TNS3: variants seen among roughly 807,000 people sequenced by gnomAD.
The protein encoded by TNS3 is tensin-3.
A neutral mutation model predicts 140.9 loss-of-function variants in TNS3; 45 were observed. That is an observed-to-expected ratio of 0.32 (90% CI 0.25 to 0.41). TNS3 has a LOEUF of 0.41. Ranked by LOEUF, TNS3 falls within the 10% of genes least tolerant of loss-of-function variation. TNS3 has a pLI of 1.00. For missense variants in TNS3, 1,716 were observed against 1,906.7 expected (o/e 0.90, Z 1.86); for synonymous variants, 815 against 788.4 (o/e 1.03, Z -0.56).
In TNS3 at chr7:47,277,984, A is replaced by C. The variant is rs751361937; in HGVS notation, c.*92T>G. 5 of 1,410,032 alleles carry C rather than the reference A, an allele frequency of 3.5e-6. No individual in the cohort carries two copies. The highest frequency in any genetic ancestry group is 5.0e-6 in the Non-Finnish European group (5 of 1,000,744). 87.3% of individuals were successfully genotyped at this position (1,410,032 alleles called of 1,614,324 possible). A position where few individuals can be genotyped will look rare whatever the true frequency, so the allele number is the denominator to read the frequency against. ...ATGGGCCTGGAATGTCAGGTTTACT[A>C]GTTTGGTAAAAAGTGGGGGCCCCAC... is the stretch of plus-strand genomic sequence containing the variant. On this transcript the variant is annotated 3_prime_UTR_variant, in exon 31 of 31. Coordinates refer to ENST00000311160, the MANE Select transcript of TNS3 (RefSeq NM_022748.12).
rs560831376 is a variant in TNS3, at chr7:47,458,140, AG to A, written c.-75-16086del. 1.3e-3 allele frequency among the ~76,000 whole-genome samples: 192 copies of A among 152,378 alleles called. 5 individuals carry two copies. The South Asian group carries it at 0.039, about 31-fold the overall frequency. ...TGGGTGATCTTACTCAATTTCTTACAGGTGAGGAAATAATGTCCTTGGTATC... is the reference window on the plus strand; with the variant it reads ...TGGGTGATCTTACTCAATTTCTTACAGTGAGGAAATAATGTCCTTGGTATC... On this transcript the variant is annotated intron_variant, in intron 4 of 30. Transcript: ENST00000311160.
At chr7:47,556,376 C>A (rs1473380690) in intron 1 of TNS3, among the ~76,000 whole-genome samples, 3 of 152,170 alleles carry the variant, frequency 2.0e-5, no homozygotes, top group Non-Finnish European at 4.4e-5. Context: ...AGGGCCAAGA[C>A]CCCCTGAGCA....
intron 9 of TNS3, among the ~76,000 whole-genome samples, chr7:47,427,335 A>G (rs1794711142): frequency 6.6e-6 from 1 of 152,136 alleles, no homozygotes; most frequent in African/African-American, 2.4e-5. Context: ...CCTCCCTGGC[A>G]GGCACCAACT....
intron 9 of TNS3, among the ~76,000 whole-genome samples, chr7:47,425,599 C>T (rs1006182467): frequency 5.3e-5 from 8 of 152,142 alleles, no homozygotes; most frequent in Non-Finnish European, 1.2e-4. Flanking sequence ...ACTTTAGCAC[C>T]GAGTCCATCA....
At chr7:47,435,169 C>A in intron 8 of TNS3, 113 bp downstream of exon 8, 1 of 1,391,410 alleles carries the variant, frequency 7.2e-7, no homozygotes, top group Non-Finnish European at 9.7e-7. Context: ...CCATAAGGAG[C>A]ACATCGCACC....
chr7:47,384,624 A>G (rs1791968256), intron 16 of TNS3, among the ~76,000 whole-genome samples: 1 of 152,214 alleles, frequency 6.6e-6, no homozygotes, highest in African/African-American at 2.4e-5. Flanking sequence ...GAAAGCCTTG[A>G]GCTCTTCAGG....
intron 20 of TNS3, among the ~76,000 whole-genome samples, chr7:47,312,460 T>C (rs1474338326): frequency 9.2e-5 from 14 of 152,060 alleles, no homozygotes; most frequent in African/African-American, 3.4e-4. Flanking sequence ...TCCCAGCACT[T>C]TGGGAGGCGA....
intron 4 of TNS3, among the ~76,000 whole-genome samples, chr7:47,469,768 G>C (rs915825431): frequency 2.0e-5 from 3 of 152,158 alleles, no homozygotes; most frequent in African/African-American, 7.2e-5. Flanking sequence ...GAGGTCAGGA[G>C]TTCGAGACCA....
intron 16 of TNS3, among the ~76,000 whole-genome samples, chr7:47,393,535 C>G (rs1049967553): frequency 1.3e-5 from 2 of 152,116 alleles, no homozygotes; most frequent in African/African-American, 4.8e-5. Context: ...GGATACCAGT[C>G]CTGAGCTCGC....
At chr7:47,568,160 G>T (rs1800471551) in intron 1 of TNS3, among the ~76,000 whole-genome samples, 1 of 152,154 alleles carries the variant, frequency 6.6e-6, no homozygotes, top group Non-Finnish European at 1.5e-5. Context: ...AAAGGCCAGT[G>T]ATTCAAAACA....
In TNS3 at chr7:47,529,085, C is replaced by T; in HGVS notation, c.-202G>A. The T allele has an allele frequency of 2.3e-6, 3 of 1,289,112 alleles. No individual in the cohort carries two copies. The highest frequency in any genetic ancestry group is 3.0e-6 in the Non-Finnish European group (3 of 988,760). 79.9% of individuals were successfully genotyped at this position (1,289,112 alleles called of 1,614,324 possible). On this transcript the variant is annotated 5_prime_UTR_variant, in exon 2 of 31. It adds an upstream start codon to the 5' untranslated region. Coordinates refer to ENST00000311160, the MANE Select transcript of TNS3 (RefSeq NM_022748.12). ...CAATAATTTGTTTGCAAACTCCACACACTTTGGATTTTTTAAAGGCCTTGT... is the reference window on the plus strand; with the variant it reads ...CAATAATTTGTTTGCAAACTCCACATACTTTGGATTTTTTAAAGGCCTTGT...
chr7:47,443,201 T>C (rs916734101), intron 4 of TNS3, among the ~76,000 whole-genome samples: 1 of 152,132 alleles, frequency 6.6e-6, no homozygotes, highest in Non-Finnish European at 1.5e-5. Context: ...TCTCCTGCCT[T>C]TTGAAGTGAG....
At position 47,346,807 on chromosome 7, in the gene TNS3, C is replaced by T. The variant is rs1422275739; in HGVS notation, c.2282-451G>A. 2.0e-5 allele frequency among the ~76,000 whole-genome samples: 3 copies of T among 152,076 alleles called. No individual in the cohort carries two copies. The East Asian group carries it at 5.8e-4, about 29-fold the overall frequency. On this transcript the variant is annotated intron_variant, in intron 17 of 30. Transcript: ENST00000311160. The stretch of plus-strand genomic sequence containing the variant: ...CGGTGACCTTGGGCAGAGCATGGCC[C>T]GACTATGATAATTTGAATCTTAGCA...
intron 2 of TNS3, among the ~76,000 whole-genome samples, chr7:47,520,137 T>C (rs1798920604): frequency 6.6e-6 from 1 of 152,056 alleles, no homozygotes; most frequent in African/African-American, 2.4e-5. Flanking sequence ...TCCTCACATT[T>C]CTTAACACTT....
chr7:47,481,073 A>G, intron 4 of TNS3, 30 bp downstream of exon 4: 5 of 1,289,266 alleles, frequency 3.9e-6, no homozygotes, highest in Non-Finnish European at 5.1e-6. Flanking sequence ...TGGATGGAAC[A>G]AGGGAGCCAA....
chr7:47,571,741 A>G (rs1353953481), intron 1 of TNS3, among the ~76,000 whole-genome samples: 1 of 152,220 alleles, frequency 6.6e-6, no homozygotes, highest in Non-Finnish European at 1.5e-5. Context: ...ACTCAGCACC[A>G]ACAGCCCCCA....
At chr7:47,314,904 C>T (rs1428880833) in intron 20 of TNS3, among the ~76,000 whole-genome samples, 5 of 152,338 alleles carry the variant, frequency 3.3e-5, no homozygotes, top group South Asian at 2.1e-4. Context: ...CATAAGGGCA[C>T]CACAGTGAGC....
Position 47,275,492 on chromosome 7 carries a change from C to A in TNS3, c.*2584G>T, listed in dbSNP as rs536324561. 8 of 307,162 alleles carry A rather than the reference C, an allele frequency of 2.6e-5. No homozygotes were observed. Among genetic ancestry groups the A allele is most frequent in the African/African-American group, 1.8e-4 (8 of 45,642 alleles). 19.0% of individuals were successfully genotyped at this position (307,162 alleles called of 1,614,324 possible). A position where few individuals can be genotyped will look rare whatever the true frequency, so the allele number is the denominator to read the frequency against. Reference sequence around the variant, plus strand: ...CATTTACTCCCCAGGGCAGTACGTGCCTGTCCAGCGGGAGCCCTGGAGACA... The same window carrying A: ...CATTTACTCCCCAGGGCAGTACGTGACTGTCCAGCGGGAGCCCTGGAGACA... On this transcript the variant is annotated 3_prime_UTR_variant, in exon 31 of 31. Coordinates refer to ENST00000311160, the MANE Select transcript of TNS3 (RefSeq NM_022748.12).
At chr7:47,486,071 T>G (rs1249367457) in intron 3 of TNS3, among the ~76,000 whole-genome samples, 2 of 151,820 alleles carry the variant, frequency 1.3e-5, no homozygotes, top group Admixed American at 6.6e-5. Context: ...GGTGAGTGTG[T>G]GTGTGTGAGT....
Sources: allele counts gnomAD v4.1 joint callset (sites outside exome capture counted in the v4.1 genomes callset), GRCh38; gene constraint gnomAD v4.1.1; transcripts MANE v1.5; gene names NCBI Gene and HGNC (gene_info 2026-07-23, HGNC 2026-07-21).